HOPX: variants seen among roughly 807,000 people sequenced by gnomAD.
HOPX encodes the protein HOP homeobox, also known as homeodomain-only protein.
A neutral mutation model predicts 11.8 loss-of-function variants in HOPX; 5 were observed. The ratio of observed to expected loss-of-function variants is 0.43; its 90% CI spans 0.22 to 0.89. The LOEUF (loss-of-function observed/expected upper bound fraction) is 0.89, where lower values mean the gene tolerates loss of function less well. HOPX is among the 40% of genes least tolerant of loss of function. The probability of loss-of-function intolerance (pLI) is 0.28; values close to 1 mark genes in which losing one functional copy is unlikely to be tolerated. For synonymous variants in HOPX, 49 were observed against 49.7 expected (o/e 0.99, Z 0.06); for missense variants, 119 against 120.0 (o/e 0.99, Z 0.04).
At chr4:56,674,900 AC>A (rs1384108876) in intron 1 of HOPX, among the ~76,000 whole-genome samples, 14 of 136,314 alleles carry the variant, frequency 1.0e-4, no homozygotes, top group African/African-American at 4.0e-4. Flanking sequence ...AGTGTGTGCC[AC>A]TATGTCTGGC....
chr4:56,655,567 C>T (rs1468312165), intron 3 of HOPX, among the ~76,000 whole-genome samples: 1 of 146,716 alleles, frequency 6.8e-6, no homozygotes. Context: ...CCCGGGCTGC[C>T]GGGGAGAGTG....
Position 56,681,131 on chromosome 4 carries a change from A to C in HOPX, c.-84+124T>G, listed in dbSNP as rs527581609. ...GCTTGGGGGTAAGCTTGTCATTCCT[A>C]TTCTCCCTTTCACCTCTACCGTTTT... On this transcript the variant is annotated intron_variant, in intron 1 of 3. Coordinates refer to ENST00000420433, the MANE Select transcript of HOPX (RefSeq NM_032495.6). 25 of 971,580 alleles carry C rather than the reference A, an allele frequency of 2.6e-5. No homozygotes were observed. The South Asian group carries it at 1.1e-3, about 44-fold the overall frequency. 60.2% of individuals were successfully genotyped at this position (971,580 alleles called of 1,614,324 possible).
At chr4:56,680,339 G>C (rs566620474) in intron 1 of HOPX, 7 of 152,216 alleles carry the variant, frequency 4.6e-5, no homozygotes, top group African/African-American at 1.7e-4. Context: ...ATTCCTATCT[G>C]CTTTTCATGA....
chr4:56,671,437 GATT>G (rs1183387024), intron 1 of HOPX, among the ~76,000 whole-genome samples: 1 of 151,956 alleles, frequency 6.6e-6, no homozygotes, highest in African/African-American at 2.4e-5. Flanking sequence ...TATATTAATA[GATT>G]ATTATTTTTA....
chr4:56,659,069 G>A (rs1717951584), intron 1 of HOPX: 1 of 152,092 alleles, frequency 6.6e-6, no homozygotes, highest in Non-Finnish European at 1.5e-5. Context: ...GAAATCTTTG[G>A]TTACCTCTGT....
At chr4:56,660,828 C>A (rs7684910) in intron 1 of HOPX, among the ~76,000 whole-genome samples, 26,088 of 152,148 alleles carry the variant, frequency 0.17, 2,814 homozygotes, top group African/African-American at 0.31. Flanking sequence ...TCAATTTAAG[C>A]ATTAAAGCAT....
chr4:56,650,788 T>G, intron 3 of HOPX: 4 of 1,550,536 alleles, frequency 2.6e-6, no homozygotes, highest in Non-Finnish European at 3.5e-6. Context: ...TGCCATATTT[T>G]GCTCCTGGAG....
At chr4:56,651,876 G>GTT (rs771608001) in intron 3 of HOPX, among the ~76,000 whole-genome samples, 3,160 of 88,934 alleles carry the variant, frequency 0.036, 44 homozygotes, top group African/African-American at 0.041. Context: ...GAGAGAGAGT[G>GTT]TGTGTGTGTG....
intron 1 of HOPX, chr4:56,659,108 A>G (rs1054090005): frequency 2.6e-5 from 4 of 152,154 alleles, no homozygotes; most frequent in African/African-American, 9.7e-5. Context: ...TTGGGCTCAA[A>G]TTTGTCATCT....
At position 56,658,541 on chromosome 4, in the gene HOPX, T is replaced by C. The variant is rs1207806008; in HGVS notation, c.-83-642A>G. ...TCTCTATAGTCAAATGTATCTGTTA[T>C]TTCTCTGCAAAGCTCTCAGCCCTTT... is the stretch of plus-strand genomic sequence containing the variant. On this transcript the variant is annotated intron_variant, in intron 1 of 3. Transcript: ENST00000420433. 2.0e-5 allele frequency among the ~76,000 whole-genome samples: 3 copies of C among 152,260 alleles called. No homozygotes were observed. The East Asian group carries it at 5.8e-4, about 29-fold the overall frequency.
intron 3 of HOPX, 51 bp downstream of exon 3, chr4:56,655,806 G>A (rs747404682): frequency 6.3e-7 from 1 of 1,589,538 alleles, no homozygotes; most frequent in South Asian, 1.1e-5. Flanking sequence ...GCCGCGAGAA[G>A]GCTCAGCCCA....
chr4:56,668,557 GT>G (rs889645154), intron 1 of HOPX, among the ~76,000 whole-genome samples: 2 of 152,056 alleles, frequency 1.3e-5, no homozygotes, highest in East Asian at 3.9e-4. Flanking sequence ...TCTTTTTTTA[GT>G]TTTTTTAGAG....
chr4:56,676,378 G>A (rs890876782), intron 1 of HOPX: 17 of 151,544 alleles, frequency 1.1e-4, no homozygotes, highest in African/African-American at 3.9e-4. Flanking sequence ...CTTAAAAAAT[G>A]TCCAAGTGAC....
At chr4:56,649,127 AT>A (rs2109445879) in intron 3 of HOPX, 1 of 200,994 alleles carries the variant, frequency 5.0e-6, no homozygotes, top group East Asian at 1.1e-4. Context: ...TTACTTCCCA[AT>A]TTAGTATTTT....
intron 3 of HOPX, 125 bp from the exon 4 acceptor site, chr4:56,648,922 G>A: frequency 1.5e-6 from 1 of 677,592 alleles, no homozygotes; most frequent in South Asian, 2.0e-5. Context: ...GTTCCCATAG[G>A]GATGGTTCTC....
intron 1 of HOPX, among the ~76,000 whole-genome samples, chr4:56,659,907 A>G (rs1245777772): frequency 1.3e-5 from 2 of 152,244 alleles, no homozygotes; most frequent in Non-Finnish European, 2.9e-5. Flanking sequence ...TTTAAACCTA[A>G]TGCTATTAAT....
chr4:56,652,153 T>C (rs1717252028), intron 3 of HOPX, among the ~76,000 whole-genome samples: 1 of 152,144 alleles, frequency 6.6e-6, no homozygotes, highest in Non-Finnish European at 1.5e-5. Flanking sequence ...TCACTTTACT[T>C]TGAGTTCTTA....
chr4:56,659,455 G>A (rs1717974196), intron 1 of HOPX: 1 of 152,126 alleles, frequency 6.6e-6, no homozygotes, highest in Non-Finnish European at 1.5e-5. Context: ...GGTAGAAGGG[G>A]GCATCGCCCA....
At chr4:56,663,656 T>G (rs1032905059) in intron 1 of HOPX, 1 of 152,146 alleles carries the variant, frequency 6.6e-6, no homozygotes. Context: ...CGACTAATTT[T>G]TTGTATTTTG....
Sources: gnomAD v4.1 joint callset for allele counts (sites outside exome capture counted in the v4.1 genomes callset) on GRCh38, gnomAD v4.1.1 for gene constraint, MANE v1.5 for transcripts, NCBI Gene and HGNC (gene_info 2026-07-23, HGNC 2026-07-21) for gene names.